The following MINDY4 variants were observed in gnomAD, a reference collection of about 807,000 sequenced individuals.
MINDY4 encodes probable ubiquitin carboxyl-terminal hydrolase MINDY-4.
Under a neutral mutation model 87.0 loss-of-function variants are expected in MINDY4, and 68 were observed. That is an observed-to-expected ratio of 0.78 (90% CI 0.64 to 0.96). The LOEUF (loss-of-function observed/expected upper bound fraction) is 0.96. MINDY4 is among the 40% of genes least tolerant of loss of function. The probability of loss-of-function intolerance (pLI) is 0.00; values close to 1 mark genes in which losing one functional copy is unlikely to be tolerated. For synonymous variants in MINDY4, 379 were observed against 363.2 expected (o/e 1.04, Z -0.50); for missense variants, 919 against 928.2 (o/e 0.99, Z 0.13).
At chr7:30,808,036 G>A (rs1290848884) in intron 5 of MINDY4, among the ~76,000 whole-genome samples, 3 of 152,206 alleles carry the variant, frequency 2.0e-5, no homozygotes, top group African/African-American at 7.2e-5. Context: ...ATTAATGGAC[G>A]GTCAAGGCAG....
intron 5 of MINDY4, among the ~76,000 whole-genome samples, chr7:30,802,660 A>G (rs1787690774): frequency 6.6e-6 from 1 of 152,192 alleles, no homozygotes; most frequent in South Asian, 2.1e-4. Context: ...AAAAGTGGTA[A>G]GTCTTTCATA....
intron 4 of MINDY4, among the ~76,000 whole-genome samples, chr7:30,788,257 C>T (rs1398921365): frequency 6.6e-6 from 1 of 152,180 alleles, no homozygotes; most frequent in Non-Finnish European, 1.5e-5. Context: ...TGATACTACA[C>T]CAAAACTAGA....
In MINDY4 at chr7:30,784,339, T is replaced by C. The variant is rs191386823; in HGVS notation, c.420-1410T>C. ...CTGCATCTGTGAGTCCTGTGAGCTC[T>C]TCACCCAGAGTGATAGTAGGCACTT... On this transcript the variant is annotated intron_variant, in intron 3 of 17. Transcript: ENST00000265299. Among the ~76,000 whole-genome samples the C allele has an allele frequency of 2.0e-5, 3 of 152,366 alleles. No homozygotes were observed. In the East Asian group the frequency reaches 5.8e-4, roughly 29 times the overall value.
intron 9 of MINDY4, among the ~76,000 whole-genome samples, chr7:30,842,893 G>T (rs900932106): frequency 6.6e-6 from 1 of 152,138 alleles, no homozygotes; most frequent in Non-Finnish European, 1.5e-5. Context: ...GTGCCTGCTG[G>T]CTCCTCTCAT....
chr7:30,774,549 A>G (rs1390323917), intron 1 of MINDY4, among the ~76,000 whole-genome samples: 2 of 149,394 alleles, frequency 1.3e-5, no homozygotes, highest in East Asian at 3.9e-4. Context: ...ACCTGTGTCT[A>G]CTTTCATTTT....
intron 1 of MINDY4, among the ~76,000 whole-genome samples, chr7:30,777,516 TTC>T (rs1316867699): frequency 1.3e-5 from 2 of 152,174 alleles, no homozygotes; most frequent in African/African-American, 4.8e-5. Context: ...CAAGATTGTG[TTC>T]TTTTAGTTTC....
Position 30,783,851 on chromosome 7 carries a change from C to T in MINDY4, c.419+1639C>T, listed in dbSNP as rs370833399. 1.1e-4 allele frequency among the ~76,000 whole-genome samples: 16 copies of T among 152,260 alleles called. No individual in the cohort carries two copies. In the East Asian group the frequency reaches 2.3e-3, roughly 22 times the overall value. On this transcript the variant is annotated intron_variant, in intron 3 of 17. Transcript: ENST00000265299. ...TATTCTAAAAGGCAACAGAACACTGCAGAGATGGGAAAAATCTGGAAAATA... is the reference window on the plus strand; with the variant it reads ...TATTCTAAAAGGCAACAGAACACTGTAGAGATGGGAAAAATCTGGAAAATA...
At chr7:30,843,103 G>A (rs1453149666) in intron 9 of MINDY4, among the ~76,000 whole-genome samples, 1 of 152,258 alleles carries the variant, frequency 6.6e-6, no homozygotes, top group Admixed American at 6.5e-5. Flanking sequence ...TTCCTGAGCT[G>A]GTTCACAGCC....
chr7:30,888,260 G>A (rs538661791), intron 17 of MINDY4, among the ~76,000 whole-genome samples: 8 of 152,264 alleles, frequency 5.3e-5, no homozygotes, highest in African/African-American at 9.6e-5. Flanking sequence ...GTGTTTTTAC[G>A]GAGCGAGTGG....
chr7:30,826,830 A>T (rs1203718038), intron 5 of MINDY4, among the ~76,000 whole-genome samples: 1 of 152,224 alleles, frequency 6.6e-6, no homozygotes, highest in African/African-American at 2.4e-5. Context: ...TGAGGCTTGC[A>T]AAGCACTTAG....
intron 3 of MINDY4, among the ~76,000 whole-genome samples, chr7:30,783,877 A>T (rs1787075311): frequency 6.6e-6 from 1 of 152,238 alleles, no homozygotes; most frequent in Admixed American, 6.5e-5. Flanking sequence ...CTGGAAAATA[A>T]GCTCTTTTAA....
intron 15 of MINDY4, among the ~76,000 whole-genome samples, chr7:30,878,987 C>G (rs1790373625): frequency 6.6e-6 from 1 of 152,234 alleles, no homozygotes; most frequent in East Asian, 1.9e-4. Flanking sequence ...TTCCCCCTTT[C>G]CAATCCTGTC....
chr7:30,841,844 A>G (rs1182987216), intron 9 of MINDY4, among the ~76,000 whole-genome samples: 1 of 152,192 alleles, frequency 6.6e-6, no homozygotes, highest in African/African-American at 2.4e-5. Flanking sequence ...GGATTTTAAA[A>G]CCATAGCTTA....
intron 5 of MINDY4, among the ~76,000 whole-genome samples, chr7:30,819,132 G>A (rs1788248217): frequency 6.6e-6 from 1 of 151,916 alleles, no homozygotes; most frequent in Non-Finnish European, 1.5e-5. Context: ...CTTTTGCTGG[G>A]GGATGCTTAC....
chr7:30,804,128 C>T (rs1447242266), intron 5 of MINDY4, among the ~76,000 whole-genome samples: 1 of 151,722 alleles, frequency 6.6e-6, no homozygotes, highest in South Asian at 2.1e-4. Context: ...GGAAAGATGG[C>T]CCCTGATGCT....
intron 5 of MINDY4, among the ~76,000 whole-genome samples, chr7:30,811,955 G>T (rs1458981010): frequency 2.0e-5 from 3 of 152,146 alleles, no homozygotes; most frequent in Admixed American, 2.0e-4. Context: ...TGTCTGAGGG[G>T]TTTTGTCTGT....
At chr7:30,817,366 CTTTT>C (rs572880227) in intron 5 of MINDY4, among the ~76,000 whole-genome samples, 8 of 114,168 alleles carry the variant, frequency 7.0e-5, no homozygotes, top group Admixed American at 1.8e-4. Context: ...TTGGGTTTGT[CTTTT>C]TTTTTTTTTT....
At chr7:30,815,067 TG>T (rs1788108055) in intron 5 of MINDY4, among the ~76,000 whole-genome samples, 1 of 152,232 alleles carries the variant, frequency 6.6e-6, no homozygotes, top group African/African-American at 2.4e-5. Flanking sequence ...ACACGTTGGT[TG>T]GTCTTTATAA....
In MINDY4 at chr7:30,873,853, A is replaced by G. The variant is rs553968330; in HGVS notation, c.1809+1547A>G. On this transcript the variant is annotated intron_variant, in intron 14 of 17. Transcript: ENST00000265299. Reference sequence around the variant, plus strand: ...TCAGCAGCTGCTGCCCCTGACGTGCATTATTTTACAGCAGACATTTCCTCC... The same window carrying G: ...TCAGCAGCTGCTGCCCCTGACGTGCGTTATTTTACAGCAGACATTTCCTCC... Among the ~76,000 whole-genome samples the G allele has an allele frequency of 1.3e-3, 202 of 152,308 alleles. 1 individual carries two copies. The highest frequency in any genetic ancestry group is 4.6e-3 in the African/African-American group (193 of 41,550).
Sources: gnomAD v4.1 joint callset for allele counts (sites outside exome capture counted in the v4.1 genomes callset) on GRCh38, gnomAD v4.1.1 for gene constraint, MANE v1.5 for transcripts, NCBI Gene and HGNC (gene_info 2026-07-23, HGNC 2026-07-21) for gene names.